The following SKI variants were observed in gnomAD, a reference collection of about 807,000 sequenced individuals.
SKI encodes the protein SKI proto-oncogene.
Under a neutral mutation model 59.3 loss-of-function variants are expected in SKI, and 23 were observed. That is an observed-to-expected ratio of 0.39 (90% CI 0.28 to 0.55). The LOEUF (loss-of-function observed/expected upper bound fraction) is 0.55, where lower values mean the gene tolerates loss of function less well. SKI is among the 20% of genes least tolerant of loss of function. The pLI, the probability that SKI is intolerant of heterozygous loss-of-function variation, is 0.67. For missense variants in SKI, 1,017 were observed against 1,038.9 expected (o/e 0.98, Z 0.29); for synonymous variants, 673 against 488.6 (o/e 1.38, Z -4.98).
intron 1 of SKI, among the ~76,000 whole-genome samples, chr1:2,282,967 C>T (rs771853095): frequency 1.0e-3 from 153 of 152,312 alleles, no homozygotes; most frequent in Non-Finnish European, 1.8e-3. Context: ...GCACCTGGCC[C>T]GCTTCCCTTG....
chr1:2,299,380 G>A (rs941385925), intron 1 of SKI, among the ~76,000 whole-genome samples: 1 of 152,224 alleles, frequency 6.6e-6, no homozygotes, highest in Non-Finnish European at 1.5e-5. Context: ...GGCTCTCGGT[G>A]CCCTGGGAGG....
chr1:2,284,367 G>A (rs1639985438), intron 1 of SKI, among the ~76,000 whole-genome samples: 1 of 152,210 alleles, frequency 6.6e-6, no homozygotes, highest in South Asian at 2.1e-4. Context: ...AGGTGACCTG[G>A]CCTGGGTCAG....
intron 1 of SKI, among the ~76,000 whole-genome samples, chr1:2,275,915 G>C (rs995481265): frequency 2.0e-5 from 3 of 152,100 alleles, no homozygotes; most frequent in African/African-American, 7.2e-5. Flanking sequence ...CTTGGCTCCT[G>C]GTCACTGCCC....
intron 1 of SKI, among the ~76,000 whole-genome samples, chr1:2,259,422 G>C (rs546853273): frequency 2.0e-5 from 3 of 152,202 alleles, no homozygotes; most frequent in Non-Finnish European, 4.4e-5. Flanking sequence ...GACAGAAGCC[G>C]TGGTGGTTTC....
intron 1 of SKI, among the ~76,000 whole-genome samples, chr1:2,272,057 C>G (rs1016250632): frequency 1.3e-5 from 2 of 152,190 alleles, no homozygotes; most frequent in African/African-American, 4.8e-5. Flanking sequence ...GGCCCCTGCC[C>G]GCCCCAGGCC....
In SKI at chr1:2,307,386, C is replaced by G. The variant is rs968467302; in HGVS notation, c.*621C>G. 4 of 152,496 alleles carry G rather than the reference C, an allele frequency of 2.6e-5. No homozygotes were observed. Among genetic ancestry groups the G allele is most frequent in the Non-Finnish European group, 5.9e-5 (4 of 68,118 alleles). 9.4% of individuals were successfully genotyped at this position (152,496 alleles called of 1,614,324 possible). A position where few individuals can be genotyped will look rare whatever the true frequency, so the allele number is the denominator to read the frequency against. On this transcript the variant is annotated 3_prime_UTR_variant, in exon 7 of 7. Coordinates refer to ENST00000378536, the MANE Select transcript of SKI (RefSeq NM_003036.4). ...GCCTTACTGCCGCCTACCCCGCCCG[C>G]CACGCCGCCGTCGATGCCAGCGCTG... is the stretch of plus-strand genomic sequence containing the variant.
At chr1:2,285,964 C>T (rs999596143) in intron 1 of SKI, among the ~76,000 whole-genome samples, 11 of 150,544 alleles carry the variant, frequency 7.3e-5, no homozygotes, top group African/African-American at 2.5e-5. Context: ...AGCTCTGCCT[C>T]CCCGGTTCAC....
chr1:2,259,589 A>G (rs1286139479), intron 1 of SKI, among the ~76,000 whole-genome samples: 2 of 152,222 alleles, frequency 1.3e-5, no homozygotes, highest in Non-Finnish European at 1.5e-5. Flanking sequence ...GCGTATATTT[A>G]AAGATACAGT....
intron 1 of SKI, among the ~76,000 whole-genome samples, chr1:2,280,078 C>G (rs566570912): frequency 6.6e-6 from 1 of 152,206 alleles, no homozygotes; most frequent in South Asian, 2.1e-4. Flanking sequence ...TCTGGAAGGT[C>G]TGACCACGGG....
intron 4 of SKI, 25 bp from the exon 5 acceptor site, chr1:2,304,268 G>A: frequency 6.4e-7 from 1 of 1,551,802 alleles, no homozygotes; most frequent in South Asian, 1.2e-5. Context: ...CCATGACTTT[G>A]TTTCTGTCTC....
At chr1:2,297,022 A>G (rs990683411) in intron 1 of SKI, among the ~76,000 whole-genome samples, 5 of 151,766 alleles carry the variant, frequency 3.3e-5, no homozygotes, top group African/African-American at 4.8e-5. Context: ...AAAATACTGA[A>G]TGGAGGTGCC....
chr1:2,294,771 G>A (rs536468206), intron 1 of SKI, among the ~76,000 whole-genome samples: 1 of 152,302 alleles, frequency 6.6e-6, no homozygotes, highest in African/African-American at 2.4e-5. Context: ...TGCTCTCCCA[G>A]GGCCCTCAGG....
In SKI at chr1:2,278,440, C is replaced by T. The variant is rs12057310; in HGVS notation, c.970-24538C>T. Among the ~76,000 whole-genome samples, 920 of 152,314 alleles carry T rather than the reference C, an allele frequency of 6.0e-3. 8 individuals are homozygous for T. The highest frequency in any genetic ancestry group is 0.021 in the African/African-American group (862 of 41,566). On this transcript the variant is annotated intron_variant, in intron 1 of 6. Transcript: ENST00000378536. ...AGACGACTCTTGCTGGAGAAATCTA[C>T]CCAGGTCCCTTGGGTCTGTCCCTCC...
intron 1 of SKI, among the ~76,000 whole-genome samples, chr1:2,279,289 G>T (rs1351158425): frequency 6.6e-6 from 1 of 152,264 alleles, no homozygotes; most frequent in African/African-American, 2.4e-5. Context: ...AGGGGTGGAA[G>T]GGGCGTGGCC....
Position 2,308,625 on chromosome 1 carries a change from T to A in SKI, c.*1860T>A, listed in dbSNP as rs1042350257. 1 of 151,964 alleles carries A rather than the reference T, an allele frequency of 6.6e-6. No individual in the cohort carries two copies. The highest frequency in any genetic ancestry group is 2.4e-5 in the African/African-American group (1 of 41,394). 9.4% of individuals were successfully genotyped at this position (151,964 alleles called of 1,614,324 possible). On this transcript the variant is annotated 3_prime_UTR_variant, in exon 7 of 7. Transcript: ENST00000378536. Reference sequence around the variant, plus strand: ...AGTTGTTTTTTTTTTCAGTTATTTCTTCAAGGGAAACTAAATGATTTAGTT... The same window carrying A: ...AGTTGTTTTTTTTTTCAGTTATTTCATCAAGGGAAACTAAATGATTTAGTT...
At chr1:2,279,003 G>A (rs1486157563) in intron 1 of SKI, among the ~76,000 whole-genome samples, 1 of 152,186 alleles carries the variant, frequency 6.6e-6, no homozygotes. Flanking sequence ...CAGACAGTAA[G>A]CTCCAGACAA....
intron 1 of SKI, among the ~76,000 whole-genome samples, chr1:2,272,280 T>A (rs1389824327): frequency 1.3e-5 from 2 of 152,244 alleles, no homozygotes; most frequent in Non-Finnish European, 2.9e-5. Flanking sequence ...TCTTAGTAGC[T>A]TAAAAATGGT....
chr1:2,284,830 G>T (rs992135740), intron 1 of SKI, among the ~76,000 whole-genome samples: 2 of 152,322 alleles, frequency 1.3e-5, no homozygotes, highest in South Asian at 4.1e-4. Context: ...GGCCCCGGTG[G>T]CTGGAGAGTG....
At chr1:2,235,995 C>T (rs1183210553) in intron 1 of SKI, among the ~76,000 whole-genome samples, 6 of 152,194 alleles carry the variant, frequency 3.9e-5, no homozygotes, top group African/African-American at 1.4e-4. Context: ...GGGAAACGGC[C>T]GAGATTCTGT....
Sources: allele counts gnomAD v4.1 joint callset (sites outside exome capture counted in the v4.1 genomes callset), GRCh38; gene constraint gnomAD v4.1.1; transcripts MANE v1.5; gene names NCBI Gene and HGNC (gene_info 2026-07-23, HGNC 2026-07-21).